The following SH3BGR variants were observed in gnomAD, a reference collection of about 807,000 sequenced individuals.
The protein encoded by SH3BGR is SH3 domain-binding glutamic acid-rich protein.
Under a neutral mutation model 24.5 loss-of-function variants are expected in SH3BGR, and 29 were observed. That is an observed-to-expected ratio of 1.18 (90% CI 0.88 to 1.61). The LOEUF (loss-of-function observed/expected upper bound fraction) is 1.61. Among genes scored for constraint, SH3BGR ranks in the 40% most tolerant of loss-of-function variants. SH3BGR has a pLI of 0.00. For missense variants in SH3BGR, 162 were observed against 205.8 expected, an observed-to-expected ratio of 0.79 and a Z score of 1.30; for synonymous variants, 55 against 65.7, an observed-to-expected ratio of 0.84 and a Z score of 0.79.
In SH3BGR at chr21:39,484,871, A is replaced by G. The variant is rs146244831; in HGVS notation, c.312+9656A>G. On this transcript the variant is annotated intron_variant, in intron 3 of 6. Coordinates refer to ENST00000333634, the MANE Select transcript of SH3BGR (RefSeq NM_007341.3). ...AAGACGACATCTGATTTATGGAAAC[A>G]TTACTTATCACGGTGTCATGTTGTA... Among the ~76,000 whole-genome samples, 334 of 152,352 alleles carry G rather than the reference A, an allele frequency of 2.2e-3. 1 individual carries two copies. Among genetic ancestry groups the G allele is most frequent in the African/African-American group, 7.8e-3 (325 of 41,574 alleles).
chr21:39,452,807 A>C (rs1166205601), intron 1 of SH3BGR, among the ~76,000 whole-genome samples: 1 of 152,146 alleles, frequency 6.6e-6, no homozygotes, highest in African/African-American at 2.4e-5. Context: ...TCTGGCCTTC[A>C]TTCTGTGCAA....
At chr21:39,455,920 C>T (rs1189623997) in intron 1 of SH3BGR, among the ~76,000 whole-genome samples, 3 of 152,150 alleles carry the variant, frequency 2.0e-5, no homozygotes, top group Non-Finnish European at 4.4e-5. Flanking sequence ...AGAAATGGCA[C>T]TTAACACAAT....
intron 3 of SH3BGR, among the ~76,000 whole-genome samples, chr21:39,489,833 C>A (rs891814445): frequency 2.0e-5 from 3 of 152,140 alleles, no homozygotes; most frequent in African/African-American, 2.4e-5. Flanking sequence ...TGTGGAGAGC[C>A]ACTTCTGTAA....
At chr21:39,446,009 G>C (rs2077448446) in exon 1 of SH3BGR, 2 of 152,296 alleles carry the variant, frequency 1.3e-5, no homozygotes, top group African/African-American at 4.8e-5. Flanking sequence ...TTCCCGCGTG[G>C]CCGCACCGAG....
At chr21:39,500,479 G>A (rs1023603261) in intron 4 of SH3BGR, among the ~76,000 whole-genome samples, 1 of 152,138 alleles carries the variant, frequency 6.6e-6, no homozygotes, top group Non-Finnish European at 1.5e-5. Flanking sequence ...AGGGTAAGGA[G>A]TGGGCAATGT....
intron 5 of SH3BGR, among the ~76,000 whole-genome samples, chr21:39,510,909 CTATATATA>C (rs61692072): frequency 0.018 from 1,177 of 65,860 alleles, 33 homozygotes; most frequent in African/African-American, 0.056. Context: ...ATTCTTCTAA[CTATATATA>C]TATATATATA....
chr21:39,461,478 C>G (rs980193616), intron 1 of SH3BGR, among the ~76,000 whole-genome samples: 3 of 152,076 alleles, frequency 2.0e-5, no homozygotes, highest in Non-Finnish European at 4.4e-5. Flanking sequence ...CAGAATCTGG[C>G]AGCAGTCAGA....
intron 6 of SH3BGR, among the ~76,000 whole-genome samples, chr21:39,514,564 G>A (rs549798742): frequency 2.0e-5 from 3 of 152,182 alleles, no homozygotes; most frequent in South Asian, 2.1e-4. Flanking sequence ...GTTTCACCAT[G>A]TTGCCTAGGC....
intron 5 of SH3BGR, among the ~76,000 whole-genome samples, chr21:39,509,966 G>A (rs1219322742): frequency 5.6e-5 from 7 of 125,712 alleles, no homozygotes; most frequent in South Asian, 2.4e-4. Context: ...TTTTTGAGAC[G>A]GAGTCCCGCT....
intron 3 of SH3BGR, among the ~76,000 whole-genome samples, chr21:39,477,684 C>G (rs2078049808): frequency 6.6e-6 from 1 of 152,156 alleles, no homozygotes; most frequent in Non-Finnish European, 1.5e-5. Flanking sequence ...GGTGGACCAG[C>G]TTCACTGTAC....
intron 1 of SH3BGR, among the ~76,000 whole-genome samples, chr21:39,457,018 AAT>A (rs2077666676): frequency 6.7e-6 from 1 of 149,442 alleles, no homozygotes; most frequent in African/African-American, 2.4e-5. Flanking sequence ...AAAATTTTAT[AAT>A]ATATATTGAC....
At chr21:39,502,628 C>T (rs2078514770) in intron 4 of SH3BGR, among the ~76,000 whole-genome samples, 1 of 152,206 alleles carries the variant, frequency 6.6e-6, no homozygotes, top group African/African-American at 2.4e-5. Context: ...GCAGGAGCTT[C>T]CAGCTGGGTG....
rs973677506 is a variant in SH3BGR, at chr21:39,479,224, GGGTGGT to G, written c.312+4038_312+4043del. Among the ~76,000 whole-genome samples the G allele has an allele frequency of 5.1e-3, 699 of 137,680 alleles. 5 individuals carry two copies. Among genetic ancestry groups the G allele is most frequent in the African/African-American group, 0.02 (615 of 30,788 alleles). The allele number at this position is 137,680 out of a possible 152,430, so 90.3% of individuals were successfully genotyped here. On this transcript the variant is annotated intron_variant, in intron 3 of 6. Transcript: ENST00000333634. ...GTGGTGGTGGTGGTGGAGGTGGTAA[GGGTGGT>G]GGTGGTGGTGGTGGTGGTGGTGGTG...
At chr21:39,500,975 G>C (rs1037652931) in intron 4 of SH3BGR, among the ~76,000 whole-genome samples, 1 of 152,178 alleles carries the variant, frequency 6.6e-6, no homozygotes, top group Non-Finnish European at 1.5e-5. Context: ...CAACTCTGAA[G>C]TTTTTGTTTT....
At chr21:39,490,992 A>G (rs960883194) in intron 3 of SH3BGR, among the ~76,000 whole-genome samples, 4 of 152,146 alleles carry the variant, frequency 2.6e-5, no homozygotes, top group Non-Finnish European at 4.4e-5. Context: ...TTGGCCTCCC[A>G]GAGTGCTGGG....
upstream of SH3BGR, among the ~76,000 whole-genome samples, chr21:39,448,014 T>C (rs185448971): frequency 6.4e-4 from 98 of 152,296 alleles, 2 homozygotes; most frequent in East Asian, 0.018. Context: ...TTTTGAGTCT[T>C]CCAGCTTATG....
In SH3BGR at chr21:39,479,793, GT is replaced by G. The variant is rs1315385088; in HGVS notation, c.312+4581del. ...CACATCGCTCTTTGTAAGCAATTAG[GT>G]TTCAGATTTTTTCTGGTTAAGTCAA... On this transcript the variant is annotated intron_variant, in intron 3 of 6. Coordinates refer to ENST00000333634, the MANE Select transcript of SH3BGR (RefSeq NM_007341.3). Among the ~76,000 whole-genome samples the G allele has an allele frequency of 2.0e-5, 3 of 152,210 alleles. No individual in the cohort carries two copies. In the East Asian group the frequency reaches 5.8e-4, roughly 29 times the overall value.
At position 39,457,250 on chromosome 21, in the gene SH3BGR, A is replaced by AT. The variant is rs201996141; in HGVS notation, c.45+5110dup. On this transcript the variant is annotated intron_variant, in intron 1 of 6. Transcript: ENST00000333634. ...TATAGTTAAATATAAAAATCTTATT[A>AT]TATTATATTGTTATATATAAAAGTC... 3.1e-4 allele frequency among the ~76,000 whole-genome samples: 36 copies of AT among 116,006 alleles called. 1 individual carries two copies. The highest frequency in any genetic ancestry group is 6.0e-4 in the Non-Finnish European group (33 of 54,576). The allele number at this position is 116,006 out of a possible 152,430, so 76.1% of individuals were successfully genotyped here.
intron 5 of SH3BGR, among the ~76,000 whole-genome samples, chr21:39,509,922 TC>T (rs1325916697): frequency 6.6e-6 from 1 of 150,914 alleles, no homozygotes. Context: ...TCAAAAGAAA[TC>T]CCCCCAAAGA....
Sources: gnomAD v4.1 joint callset for allele counts (sites outside exome capture counted in the v4.1 genomes callset) on GRCh38, gnomAD v4.1.1 for gene constraint, MANE v1.5 for transcripts, NCBI Gene and HGNC (gene_info 2026-07-23, HGNC 2026-07-21) for gene names.